The following STOML3 variants were observed in gnomAD, a reference collection of about 807,000 sequenced individuals.
STOML3 encodes the protein stomatin like 3.
Under a neutral mutation model 29.5 loss-of-function variants are expected in STOML3, and 31 were observed. That is an observed-to-expected ratio of 1.05 (90% CI 0.79 to 1.42). STOML3 has a LOEUF of 1.42. Among genes scored for constraint, STOML3 ranks in the 40% most tolerant of loss-of-function variants. STOML3 has a pLI of 0.00. For missense variants in STOML3, 380 were observed against 363.0 expected (o/e 1.05, Z -0.38); for synonymous variants, 122 against 139.8 (o/e 0.87, Z 0.90).
At chr13:38,980,916 C>T (rs1333637681) in intron 1 of STOML3, among the ~76,000 whole-genome samples, 1 of 152,170 alleles carries the variant, frequency 6.6e-6, no homozygotes, top group East Asian at 1.9e-4. Flanking sequence ...GCACTTACTT[C>T]TAGGAAGTCT....
intron 1 of STOML3, among the ~76,000 whole-genome samples, chr13:38,987,410 G>T (rs1868624557): frequency 1.3e-5 from 2 of 151,794 alleles, no homozygotes; most frequent in Admixed American, 1.3e-4. Context: ...TGTAGTCCCA[G>T]CTACTCAGGA....
chr13:38,980,173 C>T (rs1881223286), intron 1 of STOML3: 2 of 1,527,504 alleles, frequency 1.3e-6, no homozygotes, highest in Non-Finnish European at 1.8e-6. Flanking sequence ...ACTATTCTTC[C>T]AAGATTTACA....
chr13:38,976,797 C>T lies in STOML3; in HGVS notation c.53G>A (p.Gly18Asp). The T allele has an allele frequency of 5.0e-6, 8 of 1,612,324 alleles. No homozygotes were observed. Among genetic ancestry groups the T allele is most frequent in the African/African-American group, 1.3e-5 (1 of 74,890 alleles). Residue 18 changes from glycine (G) to aspartate (D), a missense_variant and splice_region_variant, in exon 2 of 7, where the codon GGT becomes GAT. Transcript: ENST00000379631. ...PEKQDKENFV[G>D]VNNKRLGVCG... Reference sequence around the variant, plus strand: ...TACACCAAGCCGTTTATTGTTGACACCTAGGAAATGAGAAGGAAGCAAATA... The same window carrying T: ...TACACCAAGCCGTTTATTGTTGACATCTAGGAAATGAGAAGGAAGCAAATA...
At chr13:38,977,750 A>ATTTTTTTT (rs397851686) in intron 1 of STOML3, among the ~76,000 whole-genome samples, 13 of 84,186 alleles carry the variant, frequency 1.5e-4, no homozygotes, top group Non-Finnish European at 2.3e-4. Context: ...AAGTCTCCGG[A>ATTTTTTTT]TTTTTTTTTT....
chr13:38,983,949 G>A (rs182682999), intron 1 of STOML3, among the ~76,000 whole-genome samples: 2 of 152,076 alleles, frequency 1.3e-5, no homozygotes, highest in East Asian at 3.9e-4. Context: ...CCACCATTTG[G>A]CTTAAGAATA....
intron 3 of STOML3, among the ~76,000 whole-genome samples, chr13:38,975,237 C>G (rs1205428279): frequency 6.6e-6 from 1 of 151,704 alleles, no homozygotes; most frequent in East Asian, 1.9e-4. Flanking sequence ...GAGAAAATCA[C>G]TTGAACCTGG....
rs561335810 is a variant in STOML3 at position 38,990,782 on chromosome 13, G to C, written c.-61C>G. Reference sequence around the variant, plus strand: ...TCATGGGTTTGGAGCTAAGTGTGAAGAACAGGCAGCAACTCAGATGTGCTT... The same window carrying C: ...TCATGGGTTTGGAGCTAAGTGTGAACAACAGGCAGCAACTCAGATGTGCTT... On this transcript the variant is annotated 5_prime_UTR_variant, in exon 1 of 7. Transcript: ENST00000379631. 54 of 1,522,050 alleles carry C rather than the reference G, an allele frequency of 3.5e-5. No homozygotes were observed. The allele number at this position is 1,522,050 out of a possible 1,614,324, so 94.3% of individuals were successfully genotyped here.
chr13:38,975,994 T>C lies in STOML3; in HGVS notation c.229+546A>G, dbSNP rs189345651. Among the ~76,000 whole-genome samples, 290 of 152,270 alleles carry C rather than the reference T, an allele frequency of 1.9e-3. 3 individuals are homozygous for C. The highest frequency in any genetic ancestry group is 4.1e-4 in the South Asian group (2 of 4,830). The stretch of plus-strand genomic sequence containing the variant: ...AATCTTAGACAACTCATCAAACTTA[T>C]GTTGGCCTCATGTTCTTTGTTTTCA... On this transcript the variant is annotated intron_variant, in intron 3 of 6. Coordinates refer to ENST00000379631, the MANE Select transcript of STOML3 (RefSeq NM_145286.3).
intron 1 of STOML3, among the ~76,000 whole-genome samples, chr13:38,985,694 T>A (rs1010137827): frequency 6.6e-6 from 1 of 152,040 alleles, no homozygotes; most frequent in Non-Finnish European, 1.5e-5. Context: ...ATGATATATC[T>A]ACACAATGTC....
chr13:38,984,721 C>T (rs1036463891), intron 1 of STOML3, among the ~76,000 whole-genome samples: 35 of 152,270 alleles, frequency 2.3e-4, no homozygotes, highest in African/African-American at 7.0e-4. Flanking sequence ...CACCTGACAA[C>T]GTATTTCTCA....
Position 38,967,042 on chromosome 13 carries a change from G to T in STOML3, c.659C>A (p.Ala220Glu). 2 of 1,613,310 alleles carry T rather than the reference G, an allele frequency of 1.2e-6. No individual in the cohort carries two copies. Among genetic ancestry groups the T allele is most frequent in the Non-Finnish European group, 1.7e-6 (2 of 1,179,654 alleles). The change falls in exon 7 of 7, where the codon GCA becomes GAA. Residue 220 changes from alanine (A) to glutamate (E), a missense_variant. Physicochemically the swap from Ala to Glu is moderately radical, Grantham distance 107. Transcript: ENST00000379631. ...ATREARAKVL[A>E]AEGEMNASKS... ...GGAAGCATTCATTTCTCCTTCAGCT[G>T]CAAGGACCTGAAATGACAGAAATAA...
chr13:38,968,681 G>A, intron 5 of STOML3, 147 bp from the exon 6 acceptor site: 1 of 916,626 alleles, frequency 1.1e-6, no homozygotes, highest in Non-Finnish European at 1.6e-6. Context: ...AATTTAGGAA[G>A]AGAATAAGAG....
chr13:38,987,882 T>A (rs1167881727), intron 1 of STOML3, among the ~76,000 whole-genome samples: 1 of 65,222 alleles, frequency 1.5e-5, no homozygotes, highest in Non-Finnish European at 2.3e-5. Context: ...ATATTATATT[T>A]TATATAATAT....
rs151085100 is a variant in STOML3 at position 38,986,615 on chromosome 13, T to A, written c.52+4055A>T. ...TGTAGAGAATGAAGGACTTTGATCA[T>A]CAAAGATGAAATCTAAAGGAAAACA... is the stretch of plus-strand genomic sequence containing the variant. On this transcript the variant is annotated intron_variant, in intron 1 of 6. Coordinates refer to ENST00000379631, the MANE Select transcript of STOML3 (RefSeq NM_145286.3). Among the ~76,000 whole-genome samples the A allele has an allele frequency of 2.6e-3, 395 of 152,262 alleles. 1 individual carries two copies. Among genetic ancestry groups the A allele is most frequent in the African/African-American group, 9.1e-3 (379 of 41,556 alleles).
intron 6 of STOML3, among the ~76,000 whole-genome samples, chr13:38,967,356 A>T (rs538011746): frequency 5.3e-5 from 8 of 152,186 alleles, no homozygotes; most frequent in African/African-American, 1.9e-4. Context: ...GCCTGGAAGC[A>T]CTTTGGAGCC....
rs1340729887 is a variant in STOML3 at position 38,972,497 on chromosome 13, C to T, written c.312+15G>A. ...CAAGTTTAATTTCGAGTGACATATC[C>T]TTAATCAGTACTACCTCTTGTGGAG... On this transcript the variant is annotated intron_variant, in intron 4 of 6. Coordinates refer to ENST00000379631, the MANE Select transcript of STOML3 (RefSeq NM_145286.3). 11 of 1,610,226 alleles carry T rather than the reference C, an allele frequency of 6.8e-6. No homozygotes were observed. The South Asian group carries it at 9.9e-5, about 15-fold the overall frequency.
chr13:38,978,240 A>G (rs961667214), intron 1 of STOML3, among the ~76,000 whole-genome samples: 2 of 151,604 alleles, frequency 1.3e-5, no homozygotes, highest in Non-Finnish European at 2.9e-5. Context: ...TGCAACTTCC[A>G]TCTCCCAGGT....
rs1427400909 is a variant in STOML3 at position 38,976,706 on chromosome 13, C to T, written c.144G>A (p.Trp48Ter). The change falls in exon 2 of 7, where the codon TGG becomes TGA. Residue 48 changes from tryptophan to a stop codon, truncating the protein, a stop_gained. Coordinates refer to ENST00000379631, the MANE Select transcript of STOML3 (RefSeq NM_145286.3). LOFTEE classifies it high-confidence loss of function. ...CCCAGGGTGTTACCTTCAAGCACAT[C>T]CATATGGAGATGGGGAAGGTAATGA... ...LVIITFPISI[W>*]MCLKIIKEYE... 1.2e-6 allele frequency: 2 copies of T among 1,613,934 alleles called. No individual in the cohort carries two copies. Among genetic ancestry groups the T allele is most frequent in the Non-Finnish European group, 1.7e-6 (2 of 1,179,936 alleles).
intron 1 of STOML3, among the ~76,000 whole-genome samples, chr13:38,988,555 TTA>T (rs1333932586): frequency 8.0e-6 from 1 of 125,216 alleles, no homozygotes; most frequent in African/African-American, 3.2e-5. Flanking sequence ...ATCATATATT[TTA>T]TATATAATAT....
Sources: gnomAD v4.1 joint callset for allele counts (sites outside exome capture counted in the v4.1 genomes callset) on GRCh38, gnomAD v4.1.1 for gene constraint, MANE v1.5 for transcripts, NCBI Gene and HGNC (gene_info 2026-07-23, HGNC 2026-07-21) for gene names.